The following ZNF483 variants were observed in gnomAD, a reference collection of about 807,000 sequenced individuals.
ZNF483 encodes the protein zinc finger protein 483.
ZNF483 carries 9 observed loss-of-function variants against 28.6 expected under a neutral mutation model. The observed-to-expected ratio is 0.32, with a 90% CI of 0.19 to 0.55. The LOEUF (loss-of-function observed/expected upper bound fraction) is 0.55, where lower values mean the gene tolerates loss of function less well. Among genes scored for constraint, ZNF483 ranks in the 20% least tolerant of loss-of-function variants. The probability of loss-of-function intolerance (pLI) is 0.93; values close to 1 mark genes in which losing one functional copy is unlikely to be tolerated. For synonymous variants in ZNF483, 322 were observed against 306.2 expected, an observed-to-expected ratio of 1.05 and a Z score of -0.54; for missense variants, 675 against 871.7, an observed-to-expected ratio of 0.77 and a Z score of 2.84.
chr9:111,564,718 G>T (rs113788930), intron 5 of ZNF483, among the ~76,000 whole-genome samples: 1 of 152,114 alleles, frequency 6.6e-6, no homozygotes, highest in Admixed American at 6.6e-5. Context: ...AATAGAGAAC[G>T]AATACTGTTA....
chr9:111,557,681 C>T (rs1297377792), downstream of ZNF483, among the ~76,000 whole-genome samples: 2 of 152,028 alleles, frequency 1.3e-5, no homozygotes, highest in African/African-American at 4.8e-5. Flanking sequence ...CCGCCCACCT[C>T]GGCCTCCCTA....
rs1284547715 is a variant in ZNF483, at chr9:111,547,297, G to T, written c.*4127G>T. On this transcript the variant is annotated 3_prime_UTR_variant, in exon 6 of 6. Transcript: ENST00000309235. ...CAAGGGTTTCAGTATCCCCGCCCTT[G>T]CTAACACTTATTTTCTATTTCTTTT... 6.6e-6 allele frequency among the ~76,000 whole-genome samples: 1 copy of T among 152,052 alleles called. No homozygotes were observed. Among genetic ancestry groups the T allele is most frequent in the Non-Finnish European group, 1.5e-5 (1 of 67,964 alleles).
intron 5 of ZNF483, among the ~76,000 whole-genome samples, chr9:111,536,641 A>G (rs1034380394): frequency 7.9e-5 from 12 of 152,158 alleles, no homozygotes; most frequent in African/African-American, 1.2e-4. Flanking sequence ...ATTGTAGTCA[A>G]CTTATTGGCT....
chr9:111,564,253 A>G, intron 5 of ZNF483: 4 of 980,376 alleles, frequency 4.1e-6, no homozygotes, highest in African/African-American at 1.8e-5. Flanking sequence ...TCAATTACAA[A>G]GTAGGGAAGC....
chr9:111,539,702 G>A, intron 5 of ZNF483: 1 of 201,508 alleles, frequency 5.0e-6, no homozygotes, highest in Non-Finnish European at 1.0e-5. Context: ...GGCAGAGATT[G>A]CGGTGAGCCA....
At position 111,544,375 on chromosome 9, in the gene ZNF483, T is replaced by G; in HGVS notation, c.*1205T>G. ...GTGTGTGTGTGTGTGTGTGTGTGTATACATTGTTGCCACTATCTAAAATTA... is the reference window on the plus strand; with the variant it reads ...GTGTGTGTGTGTGTGTGTGTGTGTAGACATTGTTGCCACTATCTAAAATTA... On this transcript the variant is annotated 3_prime_UTR_variant, in exon 6 of 6. Coordinates refer to ENST00000309235, the MANE Select transcript of ZNF483 (RefSeq NM_133464.5). 1.0e-6 allele frequency: 1 copy of G among 977,154 alleles called. No homozygotes were observed. The highest frequency in any genetic ancestry group is 1.2e-6 in the Non-Finnish European group (1 of 823,172). The allele number at this position is 977,154 out of a possible 1,614,324, so 60.5% of individuals were successfully genotyped here.
chr9:111,526,015 C>T (rs1827177671), intron 1 of ZNF483, among the ~76,000 whole-genome samples: 1 of 152,132 alleles, frequency 6.6e-6, no homozygotes, highest in South Asian at 2.1e-4. Context: ...CGCCTGGCCC[C>T]GCAGCTCATG....
At chr9:111,575,797 G>C (rs1054336030) in intron 5 of ZNF483, among the ~76,000 whole-genome samples, 10 of 151,902 alleles carry the variant, frequency 6.6e-5, no homozygotes, top group Non-Finnish European at 1.3e-4. Flanking sequence ...AAAACTCTTA[G>C]AAGAAAACAC....
In ZNF483 at chr9:111,527,350, A is replaced by G. The variant is rs1483556536; in HGVS notation, c.-46A>G. The G allele has an allele frequency of 1.3e-6, 2 of 1,587,320 alleles. No homozygotes were observed. Among genetic ancestry groups the G allele is most frequent in the East Asian group, 4.5e-5 (2 of 44,690 alleles). On this transcript the variant is annotated 5_prime_UTR_variant, in exon 2 of 6. In the 5' UTR this introduces an upstream ATG that the reference lacks. Transcript: ENST00000309235. Reference sequence around the variant, plus strand: ...GTGCCTGTTGGTGGACTGTACTGATACTCAACTAGAGTGTGAAGGGACTGG... The same window carrying G: ...GTGCCTGTTGGTGGACTGTACTGATGCTCAACTAGAGTGTGAAGGGACTGG...
chr9:111,554,219 GTTTT>G lies in ZNF483; in HGVS notation c.*11052_*11055del, dbSNP rs1238303658. On this transcript the variant is annotated 3_prime_UTR_variant, in exon 6 of 6. Coordinates refer to ENST00000309235, the MANE Select transcript of ZNF483 (RefSeq NM_133464.5). ...AGCAAATGGAATTGATAGTTAATGG[GTTTT>G]TTGTTTGTTTGCCTGGGAGCATTGT... Among the ~76,000 whole-genome samples, 2 of 152,176 alleles carry G rather than the reference GTTTT, an allele frequency of 1.3e-5. No individual in the cohort carries two copies. Among genetic ancestry groups the G allele is most frequent in the South Asian group, 4.1e-4 (2 of 4,834 alleles).
rs748174222 is a variant in ZNF483 at position 111,541,879 on chromosome 9, C to A, written c.944C>A (p.Ser315Ter). Residue 315 changes from serine to a stop codon, truncating the protein, a stop_gained, in exon 6 of 6, where the codon TCA becomes TAA. Coordinates refer to ENST00000309235, the MANE Select transcript of ZNF483 (RefSeq NM_133464.5). LOFTEE classifies it low-confidence loss of function (END_TRUNC). Reference protein sequence around the residue: ...SPFGHNFKETSDLIKHLRVYL... With the variant: ...SPFGHNFKET ...TTTGGACATAATTTCAAAGAAACTT[C>A]AGACTTAATTAAACATCTGAGAGTC... 2 of 1,613,918 alleles carry A rather than the reference C, an allele frequency of 1.2e-6. No individual in the cohort carries two copies. The highest frequency in any genetic ancestry group is 3.3e-5 in the Admixed American group (2 of 59,962).
exon 6 of ZNF483, chr9:111,576,479 G>A: frequency 6.2e-7 from 1 of 1,607,378 alleles, no homozygotes; most frequent in Non-Finnish European, 8.5e-7. Flanking sequence ...GGCCACTGCA[G>A]TGCAGTTCAA....
chr9:111,529,148 A>AAG (rs34544684), intron 2 of ZNF483, among the ~76,000 whole-genome samples: 5 of 149,488 alleles, frequency 3.3e-5, no homozygotes, highest in Non-Finnish European at 4.5e-5. Context: ...AAAAAAAAAA[A>AAG]GATTGATTTC....
Position 111,527,620 on chromosome 9 carries a change from G to A in ZNF483, c.225G>A (p.Glu75=). Residue 75 remains glutamate (E), a synonymous_variant, in exon 2 of 6, where the codon GAG becomes GAA. Transcript: ENST00000309235. ...GGAAAGCTCTGAGTCAACTCTGGGAGCTCTGCAATCAGTGGCTGAGACCAG... is the reference window on the plus strand; with the variant it reads ...GGAAAGCTCTGAGTCAACTCTGGGAACTCTGCAATCAGTGGCTGAGACCAG... The part of the protein sequence containing the change: ...GPRKALSQLW[E]LCNQWLRPDI... 1.2e-6 allele frequency: 2 copies of A among 1,614,200 alleles called. No homozygotes were observed. The highest frequency in any genetic ancestry group is 1.7e-6 in the Non-Finnish European group (2 of 1,180,044).
chr9:111,570,307 GT>G, intron 5 of ZNF483: 2 of 1,470,564 alleles, frequency 1.4e-6, no homozygotes, highest in Non-Finnish European at 1.8e-6. Context: ...GGTGCTGGGA[GT>G]TTTTTGGTGC....
At position 111,562,756 on chromosome 9, in the gene ZNF483, C is replaced by A. The variant is rs565519350; in HGVS notation, c.722-13609C>A. Reference sequence around the variant, plus strand: ...TCCTGATGCTCTCCCTCCCTCACCCCGGCTTCCACAGGCCCCAGCGTGTGT... The same window carrying A: ...TCCTGATGCTCTCCCTCCCTCACCCAGGCTTCCACAGGCCCCAGCGTGTGT... On this transcript the variant is annotated intron_variant, in intron 5 of 5. Transcript: ENST00000358151. 2.1e-4 allele frequency: 41 copies of A among 198,852 alleles called. 1 individual carries two copies. In the South Asian group the frequency reaches 5.6e-3, roughly 27 times the overall value. The allele number at this position is 198,852 out of a possible 1,614,324, so 12.3% of individuals were successfully genotyped here. A position where few individuals can be genotyped will look rare whatever the true frequency, so the allele number is the denominator to read the frequency against.
In ZNF483 at chr9:111,534,306, T is replaced by G. The variant is rs753640120; in HGVS notation, c.674T>G (p.Val225Gly). ...GAGTTGATTTCCCAGCTAAAGTGGG[T>G]TGAATTGCCATGGCTGCTGGAAGAA... ...KLELISQLKW[V>G]ELPWLLEEVS... Residue 225 changes from valine (V) to glycine (G), a missense_variant, in exon 5 of 6, where the codon GTT becomes GGT. Around this residue, in one of 6 missense-constraint regions of ZNF483, gnomAD observed 525 missense variants for 581.8 expected, o/e 0.90. Coordinates refer to ENST00000309235, the MANE Select transcript of ZNF483 (RefSeq NM_133464.5). The G allele has an allele frequency of 1.9e-5, 30 of 1,614,158 alleles. No homozygotes were observed. The highest frequency in any genetic ancestry group is 1.6e-4 in the Middle Eastern group (1 of 6,062).
chr9:111,555,762 T>C (rs1025555168), downstream of ZNF483, among the ~76,000 whole-genome samples: 2 of 152,192 alleles, frequency 1.3e-5, no homozygotes, highest in African/African-American at 4.8e-5. Flanking sequence ...TCTGCCACCA[T>C]GATCCCATCA....
chr9:111,558,690 T>TTA (rs146026726), downstream of ZNF483, among the ~76,000 whole-genome samples: 10 of 152,134 alleles, frequency 6.6e-5, no homozygotes, highest in East Asian at 5.8e-4. Context: ...GTGGGCAGAG[T>TTA]TATATATATA....
Sources: gnomAD v4.1 joint callset for allele counts (sites outside exome capture counted in the v4.1 genomes callset) on GRCh38, gnomAD v4.1.1 for gene constraint, gnomAD v4.1.1 regional missense constraint, MANE v1.5 for transcripts, NCBI Gene and HGNC (gene_info 2026-07-23, HGNC 2026-07-21) for gene names.